Variants in GLRA2 observed in about 807,000 individuals in gnomAD.
GLRA2 encodes the protein glycine receptor alpha 2, also known as glycine receptor subunit alpha-2.
A neutral mutation model predicts 31.6 loss-of-function variants in GLRA2; 11 were observed. The ratio of observed to expected loss-of-function variants is 0.35; its 90% CI spans 0.22 to 0.58. The LOEUF is 0.58. Ranked by LOEUF, GLRA2 falls within the 20% of genes least tolerant of loss-of-function variation. The probability of loss-of-function intolerance (pLI) is 0.84; values close to 1 mark genes in which losing one functional copy is unlikely to be tolerated. For missense variants in GLRA2, 212 were observed against 351.8 expected (o/e 0.60, Z 3.18); for synonymous variants, 132 against 134.0 (o/e 0.99, Z 0.10).
At position 14,730,891 on chromosome X, in the gene GLRA2, TAC is replaced by T. The variant is rs55910036; in HGVS notation, c.*464_*465del. On this transcript the variant is annotated 3_prime_UTR_variant, in exon 9 of 9. Coordinates refer to ENST00000218075, the MANE Select transcript of GLRA2 (RefSeq NM_002063.4). Reference sequence around the variant, plus strand: ...AATTCTGGTACTGAAAAGTTAGCTATACACACACACACACACACACACACACA... The same window carrying T: ...AATTCTGGTACTGAAAAGTTAGCTATACACACACACACACACACACACACA... The T allele has an allele frequency of 6.0e-3, 583 of 97,777 alleles. 6 individuals are homozygous for T. The highest frequency in any genetic ancestry group is 0.016 in the African/African-American group (349 of 21,834). The allele number at this position is 97,777 out of a possible 1,213,427, so 8.1% of individuals were successfully genotyped here.
At chrX:14,518,401 C>T in the GLRA2 span, among the ~76,000 whole-genome samples, 1 of 111,027 alleles carries the variant, frequency 9.0e-6, no homozygotes, top group African/African-American at 3.3e-5. Context: ...ACATGTACAA[C>T]AGAAGAAATG....
At chrX:14,704,696 A>C (rs761407596) in intron 8 of GLRA2, among the ~76,000 whole-genome samples, 1 of 111,978 alleles carries the variant, frequency 8.9e-6, no homozygotes, top group East Asian at 2.8e-4. Context: ...AGTGGGTAAA[A>C]GGAAACGACC....
chrX:14,513,907 C>G, the GLRA2 span, among the ~76,000 whole-genome samples: 1 of 111,749 alleles, frequency 8.9e-6, no homozygotes, highest in Admixed American at 9.5e-5. Flanking sequence ...CAGCAATCCC[C>G]TTACTGGGCA....
intron 7 of GLRA2, among the ~76,000 whole-genome samples, chrX:14,689,150 T>C (rs1418562219): frequency 8.9e-6 from 1 of 111,852 alleles, no homozygotes; most frequent in Admixed American, 9.5e-5. Flanking sequence ...TCTGCTTTTA[T>C]GTCCACTGTG....
intron 7 of GLRA2, among the ~76,000 whole-genome samples, chrX:14,641,740 A>G (rs752089763): frequency 8.9e-6 from 1 of 111,760 alleles, no homozygotes; most frequent in East Asian, 2.8e-4. Flanking sequence ...GGAAACATTC[A>G]CGTGTTGATC....
In GLRA2 at chrX:14,539,002, A is replaced by T. The variant is rs146811040; in HGVS notation, c.202+6630A>T. Among the ~76,000 whole-genome samples the T allele has an allele frequency of 5.6e-3, 624 of 111,295 alleles. 1 individual carries two copies. Among genetic ancestry groups the T allele is most frequent in the African/African-American group, 0.02 (601 of 30,656 alleles). The stretch of plus-strand genomic sequence containing the variant: ...TATCCTTAATTTTCATTATTGAATG[A>T]ACTTAAATATTTTATCCTTAGTTTA... On this transcript the variant is annotated intron_variant, in intron 2 of 8. Transcript: ENST00000218075.
chrX:14,530,027 G>T lies in GLRA2; in HGVS notation c.-31G>T. The T allele has an allele frequency of 3.7e-6, 4 of 1,080,825 alleles. No individual in the cohort carries two copies. Among genetic ancestry groups the T allele is most frequent in the South Asian group, 1.8e-5 (1 of 54,256 alleles). The allele number at this position is 1,080,825 out of a possible 1,213,427, so 89.1% of individuals were successfully genotyped here. On this transcript the variant is annotated 5_prime_UTR_variant, in exon 1 of 9. Coordinates refer to ENST00000218075, the MANE Select transcript of GLRA2 (RefSeq NM_002063.4). The stretch of plus-strand genomic sequence containing the variant: ...TAGCATCTTTCTGGAATCATTTCGG[G>T]ATATTTTCCACAAGCAACACAGAAA...
At chrX:14,607,530 G>A (rs1489628674) in intron 6 of GLRA2, among the ~76,000 whole-genome samples, 1 of 111,191 alleles carries the variant, frequency 9.0e-6, no homozygotes, top group African/African-American at 3.3e-5. Flanking sequence ...GTTCCTAGCT[G>A]ACCATCTGTT....
intron 8 of GLRA2, among the ~76,000 whole-genome samples, chrX:14,709,592 C>T (rs931802911): frequency 8.9e-6 from 1 of 112,035 alleles, no homozygotes; most frequent in Non-Finnish European, 1.9e-5. Context: ...AAGCTATAAG[C>T]GACAGTGAAC....
chrX:14,717,042 C>A (rs1008778730), intron 8 of GLRA2, among the ~76,000 whole-genome samples: 1 of 111,287 alleles, frequency 9.0e-6, no homozygotes, highest in African/African-American at 3.3e-5. Context: ...AAAAAAGCAA[C>A]AACAAATCTG....
intron 8 of GLRA2, among the ~76,000 whole-genome samples, chrX:14,708,373 A>G (rs2091660318): frequency 9.0e-6 from 1 of 111,655 alleles, no homozygotes; most frequent in African/African-American, 3.3e-5. Flanking sequence ...TACCCTCAAG[A>G]GGCAGTCACA....
chrX:14,680,624 C>T (rs771471488), intron 7 of GLRA2, among the ~76,000 whole-genome samples: 1 of 111,800 alleles, frequency 8.9e-6, no homozygotes, highest in Non-Finnish European at 1.9e-5. Context: ...TCTGAGAAAC[C>T]AGCACCAAGG....
chrX:14,511,695 C>A, the GLRA2 span, among the ~76,000 whole-genome samples: 265 of 111,930 alleles, frequency 2.4e-3, 3 homozygotes, highest in African/African-American at 8.3e-3. Flanking sequence ...ATAATCATCT[C>A]TTTAGAATTA....
chrX:14,574,004 C>A (rs2089919134), intron 2 of GLRA2, among the ~76,000 whole-genome samples: 1 of 110,864 alleles, frequency 9.0e-6, no homozygotes, highest in Non-Finnish European at 1.9e-5. Flanking sequence ...TTGATGTCTA[C>A]AATGTTGATG....
rs186473390 is a variant in GLRA2 at position 14,674,073 on chromosome X, G to A, written c.931-16637G>A. On this transcript the variant is annotated intron_variant, in intron 7 of 8. Transcript: ENST00000218075. ...AGTCAAGCCAGATTTAATGCAAATC[G>A]CAGCTCAACTATTCTTTTGCTGTGT... is the stretch of plus-strand genomic sequence containing the variant. Among the ~76,000 whole-genome samples, 107 of 112,373 alleles carry A rather than the reference G, an allele frequency of 9.5e-4. 1 individual carries two copies. Among genetic ancestry groups the A allele is most frequent in the Non-Finnish European group, 1.2e-3 (66 of 53,276 alleles).
At chrX:14,542,821 G>A (rs1240149333) in intron 2 of GLRA2, among the ~76,000 whole-genome samples, 1 of 109,766 alleles carries the variant, frequency 9.1e-6, no homozygotes, top group Non-Finnish European at 1.9e-5. Flanking sequence ...GTGTCTAAAC[G>A]CCAAAAGAGA....
In GLRA2 at chrX:14,730,493, C is replaced by G; in HGVS notation, c.*8C>G. ...GATGTCCACAAGAAATAGATGTGCCCTACAGACCCTGGGACCTTCTTGCCT... is the reference window on the plus strand; with the variant it reads ...GATGTCCACAAGAAATAGATGTGCCGTACAGACCCTGGGACCTTCTTGCCT... On this transcript the variant is annotated 3_prime_UTR_variant, in exon 9 of 9. Transcript: ENST00000218075. 2 of 1,178,118 alleles carry G rather than the reference C, an allele frequency of 1.7e-6. No individual in the cohort carries two copies. The highest frequency in any genetic ancestry group is 2.3e-6 in the Non-Finnish European group (2 of 868,454).
the GLRA2 span, among the ~76,000 whole-genome samples, chrX:14,455,851 A>G: frequency 8.9e-5 from 10 of 111,881 alleles, no homozygotes; most frequent in Admixed American, 8.6e-4. Context: ...TTTGTGTACC[A>G]TGTATATTCC....
the GLRA2 span, among the ~76,000 whole-genome samples, chrX:14,463,230 C>G: frequency 1.8e-5 from 2 of 111,403 alleles, no homozygotes; most frequent in East Asian, 5.7e-4. Flanking sequence ...AACTTCATCC[C>G]AAAGGGGCAT....
Sources: allele counts gnomAD v4.1 joint callset (sites outside exome capture counted in the v4.1 genomes callset), GRCh38; gene constraint gnomAD v4.1.1; transcripts MANE v1.5; gene names NCBI Gene and HGNC (gene_info 2026-07-23, HGNC 2026-07-21).